Variants in CRYBB1 observed in about 807,000 individuals in gnomAD.
CRYBB1 encodes the protein beta-crystallin B1.
A neutral mutation model predicts 29.5 loss-of-function variants in CRYBB1; 16 were observed. The observed-to-expected ratio is 0.54, with a 90% CI of 0.37 to 0.82. CRYBB1 has a LOEUF of 0.82. Among genes scored for constraint, CRYBB1 ranks in the 40% least tolerant of loss-of-function variants. The pLI is 0.00. For missense variants in CRYBB1, 300 were observed against 350.5 expected, an observed-to-expected ratio of 0.86 and a Z score of 1.15; for synonymous variants, 127 against 136.7, an observed-to-expected ratio of 0.93 and a Z score of 0.49.
At chr22:26,602,817 G>A (rs1928861948) in intron 4 of CRYBB1, among the ~76,000 whole-genome samples, 1 of 151,946 alleles carries the variant, frequency 6.6e-6, no homozygotes, top group South Asian at 2.1e-4. Flanking sequence ...GTGGAACACA[G>A]ATCTAGGTTC....
intron 3 of CRYBB1, among the ~76,000 whole-genome samples, chr22:26,611,086 A>G (rs1198533000): frequency 6.6e-6 from 1 of 152,104 alleles, no homozygotes; most frequent in African/African-American, 2.4e-5. Context: ...GGGAGTCACT[A>G]AGGCCCAGAG....
chr22:26,616,215 G>C lies in CRYBB1; in HGVS notation c.105C>G (p.Pro35=), dbSNP rs764527015. 6.2e-7 allele frequency: 1 copy of C among 1,614,136 alleles called. No individual in the cohort carries two copies. Among genetic ancestry groups the C allele is most frequent in the Non-Finnish European group, 8.5e-7 (1 of 1,179,966 alleles). The change falls in exon 2 of 6, where the codon CCC becomes CCG. Residue 35 remains proline (P), a synonymous_variant. Coordinates refer to ENST00000647684, the MANE Select transcript of CRYBB1 (RefSeq NM_001887.4). ...CGGTTGTTGGGGCCAGGGTAGTGCC[G>C]GGACTAGGGGATGTTCCTGCAGGTG... The part of the protein sequence containing the change: ...GAPPAGTSPS[P]GTTLAPTTVP...
intron 5 of CRYBB1, among the ~76,000 whole-genome samples, chr22:26,600,178 A>G (rs1022024927): frequency 3.9e-5 from 6 of 152,104 alleles, no homozygotes; most frequent in Non-Finnish European, 7.4e-5. Flanking sequence ...GAGGCGGGCA[A>G]ATCACAAGGT....
intron 4 of CRYBB1, among the ~76,000 whole-genome samples, chr22:26,606,015 T>C (rs1347635512): frequency 6.6e-6 from 1 of 152,232 alleles, no homozygotes; most frequent in Non-Finnish European, 1.5e-5. Flanking sequence ...TATGAGATTT[T>C]TTTTGCAATT....
intron 3 of CRYBB1, among the ~76,000 whole-genome samples, chr22:26,611,321 G>A (rs908708518): frequency 6.6e-6 from 1 of 152,212 alleles, no homozygotes; most frequent in Non-Finnish European, 1.5e-5. Flanking sequence ...TCCCGAGTCA[G>A]TGCCTGGCAC....
At chr22:26,609,898 T>C (rs1265930672) in intron 3 of CRYBB1, among the ~76,000 whole-genome samples, 2 of 152,166 alleles carry the variant, frequency 1.3e-5, no homozygotes, top group Admixed American at 6.5e-5. Flanking sequence ...ATCTACCTTG[T>C]TGGGAGATTA....
intron 1 of CRYBB1, among the ~76,000 whole-genome samples, 174 bp from the exon 2 acceptor site, chr22:26,616,512 G>A (rs1289160794): frequency 1.3e-5 from 2 of 152,126 alleles, no homozygotes; most frequent in African/African-American, 4.8e-5. Flanking sequence ...AGACCTTCCC[G>A]TCTGGGGGCC....
intron 5 of CRYBB1, among the ~76,000 whole-genome samples, chr22:26,600,590 C>T (rs938354967): frequency 2.6e-5 from 4 of 152,160 alleles, no homozygotes; most frequent in Non-Finnish European, 5.9e-5. Context: ...GATGATAATG[C>T]ACCCACCTCC....
In CRYBB1 at chr22:26,612,059, G is replaced by A. The variant is rs371689083; in HGVS notation, c.299+13C>T. 24 of 1,591,086 alleles carry A rather than the reference G, an allele frequency of 1.5e-5. No individual in the cohort carries two copies. The East Asian group carries it at 2.7e-4, about 18-fold the overall frequency. ...GTGGCAGAGAGTGTGCCCCTCCGCC[G>A]CCCAGTACTCACGGTCCCGCGGAGA... On this transcript the variant is annotated intron_variant, in intron 3 of 5. Coordinates refer to ENST00000647684, the MANE Select transcript of CRYBB1 (RefSeq NM_001887.4).
chr22:26,617,608 G>A (rs556554459), intron 1 of CRYBB1, among the ~76,000 whole-genome samples: 1 of 151,268 alleles, frequency 6.6e-6, no homozygotes, highest in East Asian at 1.9e-4. Context: ...CTCTCCCTCT[G>A]TTCCTCCTCT....
At chr22:26,601,683 G>T (rs1350252434) in intron 5 of CRYBB1, among the ~76,000 whole-genome samples, 196 bp downstream of exon 5, 1 of 141,324 alleles carries the variant, frequency 7.1e-6, no homozygotes, top group Non-Finnish European at 1.6e-5. Flanking sequence ...CACTGACCTG[G>T]AATTCCTCAA....
chr22:26,608,245 C>T (rs1326267528), intron 3 of CRYBB1, among the ~76,000 whole-genome samples: 1 of 152,220 alleles, frequency 6.6e-6, no homozygotes, highest in Non-Finnish European at 1.5e-5. Flanking sequence ...TTCTCATCTA[C>T]ACTCATATGC....
chr22:26,609,509 A>G (rs1233116027), intron 3 of CRYBB1, among the ~76,000 whole-genome samples: 7 of 151,998 alleles, frequency 4.6e-5, no homozygotes, highest in Admixed American at 1.3e-4. Context: ...GGGATGGTTG[A>G]ATTGATGGAT....
Position 26,599,505 on chromosome 22 carries a change from T to C in CRYBB1, c.744A>G (p.Thr248=), listed in dbSNP as rs142495368. ...HLEGSFPVLA[T]EPPK ...AGGTGTGGACTCACTTGGGGGGCTC[T>C]GTGGCCAGGACAGGGAAGGACCCCT... Residue 248 remains threonine (T), a synonymous_variant, in exon 6 of 6, where the codon ACA becomes ACG. Transcript: ENST00000647684. 951 of 1,612,666 alleles carry C rather than the reference T, an allele frequency of 5.9e-4. 1 individual carries two copies. Among genetic ancestry groups the C allele is most frequent in the Non-Finnish European group, 7.6e-4 (895 of 1,179,820 alleles).
At chr22:26,604,643 C>T (rs1210562352) in intron 4 of CRYBB1, among the ~76,000 whole-genome samples, 1 of 152,142 alleles carries the variant, frequency 6.6e-6, no homozygotes, top group Non-Finnish European at 1.5e-5. Context: ...GCAGAGAAGG[C>T]ATAGGCAAAA....
At chr22:26,616,804 C>A (rs1055943227) in intron 1 of CRYBB1, among the ~76,000 whole-genome samples, 34 of 152,218 alleles carry the variant, frequency 2.2e-4, no homozygotes. Context: ...TCATGATCCC[C>A]TCTGAGCAGC....
intron 3 of CRYBB1, among the ~76,000 whole-genome samples, chr22:26,609,817 A>G (rs1929100578): frequency 6.6e-6 from 1 of 152,234 alleles, no homozygotes; most frequent in Non-Finnish European, 1.5e-5. Context: ...CATTTGCTGC[A>G]TGCATTTGGG....
intron 3 of CRYBB1, among the ~76,000 whole-genome samples, chr22:26,608,710 G>A (rs1478139660): frequency 3.3e-5 from 5 of 152,098 alleles, no homozygotes; most frequent in African/African-American, 7.2e-5. Flanking sequence ...CGACAGTCTC[G>A]GAGGTACAGG....
intron 2 of CRYBB1, among the ~76,000 whole-genome samples, chr22:26,613,582 A>G (rs572448679): frequency 1.1e-4 from 16 of 152,300 alleles, no homozygotes; most frequent in Admixed American, 2.6e-4. Context: ...CACTTCCCCA[A>G]TCAATACCCT....
Sources: allele counts gnomAD v4.1 joint callset (sites outside exome capture counted in the v4.1 genomes callset), GRCh38; gene constraint gnomAD v4.1.1; transcripts MANE v1.5; gene names NCBI Gene and HGNC (gene_info 2026-07-23, HGNC 2026-07-21).